Variants in PDIA6 observed in about 807,000 individuals in gnomAD.
PDIA6 encodes the protein protein disulfide isomerase family A member 6.
In PDIA6, 29 loss-of-function variants were observed where a neutral mutation model predicts 58.4. That is an observed-to-expected ratio of 0.50 (90% confidence interval 0.37 to 0.68). The LOEUF is 0.68. Among genes scored for constraint, PDIA6 ranks in the 30% least tolerant of loss-of-function variants. PDIA6 has a pLI of 0.00. For synonymous variants in PDIA6, 192 were observed against 202.6 expected (o/e 0.95, Z 0.44); for missense variants, 480 against 551.0 (o/e 0.87, Z 1.29).
chr2:10,795,226 T>C (rs941516488), intron 4 of PDIA6, among the ~76,000 whole-genome samples: 4 of 152,212 alleles, frequency 2.6e-5, no homozygotes, highest in African/African-American at 9.7e-5. Context: ...CTCAATTCTG[T>C]TGTTCCAGTG....
At chr2:10,809,070 A>T (rs1666886598) in intron 1 of PDIA6, among the ~76,000 whole-genome samples, 1 of 152,132 alleles carries the variant, frequency 6.6e-6, no homozygotes, top group Non-Finnish European at 1.5e-5. Flanking sequence ...TGGCCTCCCA[A>T]AGTGCGAGGA....
chr2:10,832,657 G>T (rs993486248), upstream of PDIA6, among the ~76,000 whole-genome samples: 1 of 152,244 alleles, frequency 6.6e-6, no homozygotes, highest in South Asian at 2.1e-4. Context: ...GTGGTGGACC[G>T]AAGGGCCCAG....
intron 1 of PDIA6, among the ~76,000 whole-genome samples, chr2:10,820,004 G>A (rs968223407): frequency 4.6e-5 from 7 of 152,216 alleles, no homozygotes; most frequent in African/African-American, 1.4e-4. Flanking sequence ...CAGCCCTGCA[G>A]TTAGATATGA....
chr2:10,816,164 C>A (rs1667187353), upstream of PDIA6, among the ~76,000 whole-genome samples: 1 of 138,868 alleles, frequency 7.2e-6, no homozygotes, highest in Non-Finnish European at 1.5e-5. Context: ...CTCACTGCAA[C>A]CTTTGCCTCC....
At position 10,794,464 on chromosome 2, in the gene PDIA6, CTTTCTTTTTT is replaced by C. The variant is rs1558443375; in HGVS notation, c.347-1272_347-1263del. On this transcript the variant is annotated intron_variant, in intron 4 of 12. Coordinates refer to ENST00000272227, the MANE Select transcript of PDIA6 (RefSeq NM_005742.4). ...CTGTGTCAAGAAAAAAAAAAAAAATCTTTCTTTTTTTTTTTTTTTTTTTTTAGAGTTTTCT... is the reference window on the plus strand; with the variant it reads ...CTGTGTCAAGAAAAAAAAAAAAAATCTTTTTTTTTTTTTTTAGAGTTTTCT... 1.7e-3 allele frequency among the ~76,000 whole-genome samples: 58 copies of C among 33,524 alleles called. 1 individual carries two copies. Among genetic ancestry groups the C allele is most frequent in the Admixed American group, 0.012 (35 of 2,838 alleles). 22.0% of individuals were successfully genotyped at this position (33,524 alleles called of 152,430 possible).
At chr2:10,828,717 G>A (rs542497105) in intron 1 of PDIA6, among the ~76,000 whole-genome samples, 35 of 152,354 alleles carry the variant, frequency 2.3e-4, no homozygotes, top group South Asian at 8.3e-4. Flanking sequence ...CAGGCGCTGC[G>A]AATAAAACAC....
At chr2:10,784,882 AAG>A in intron 12 of PDIA6, 50 bp downstream of exon 12, 1 of 1,310,878 alleles carries the variant, frequency 7.6e-7, no homozygotes, top group South Asian at 1.3e-5. Context: ...GCACAGGCTC[AAG>A]AGAGTAAACC....
exon 1 of PDIA6, chr2:10,837,651 G>C (rs1436516301): frequency 1.4e-6 from 2 of 1,419,406 alleles, no homozygotes; most frequent in Non-Finnish European, 1.9e-6. Context: ...CTTGTTCAGG[G>C]GCTCCAAGCT....
At chr2:10,798,893 T>A (rs1048757874) in intron 2 of PDIA6, among the ~76,000 whole-genome samples, 2 of 152,218 alleles carry the variant, frequency 1.3e-5, no homozygotes, top group African/African-American at 4.8e-5. Flanking sequence ...CAATACTTTC[T>A]GGGTCCCGCA....
At chr2:10,784,787 T>C (rs1247120371) in intron 12 of PDIA6, 147 bp downstream of exon 12, 3 of 605,554 alleles carry the variant, frequency 5.0e-6, no homozygotes, top group Non-Finnish European at 8.8e-6. Context: ...AGATGAAGGG[T>C]CTTCAGAGAA....
chr2:10,810,285 G>A, intron 1 of PDIA6: 1 of 1,534,632 alleles, frequency 6.5e-7, no homozygotes, highest in Non-Finnish European at 8.7e-7. Flanking sequence ...CTAACCGAAG[G>A]GCTGGAGAAT....
chr2:10,821,011 G>A (rs568533637), intron 1 of PDIA6: 1 of 577,806 alleles, frequency 1.7e-6, no homozygotes, highest in Middle Eastern at 3.1e-4. Flanking sequence ...ACGAAGGGGA[G>A]GGGGGTGGAT....
At position 10,788,781 on chromosome 2, in the gene PDIA6, A is replaced by C; in HGVS notation, c.926-12T>G. 6.2e-7 allele frequency: 1 copy of C among 1,604,196 alleles called. No individual in the cohort carries two copies. ...TCTGCCTGCAGCTCCTGATTTAAATAGACAAAGTTTTTTAAAGGTAAAGAT... is the reference window on the plus strand; with the variant it reads ...TCTGCCTGCAGCTCCTGATTTAAATCGACAAAGTTTTTTAAAGGTAAAGAT... On this transcript the variant is annotated splice_polypyrimidine_tract_variant and intron_variant, in intron 9 of 12. Coordinates refer to ENST00000272227, the MANE Select transcript of PDIA6 (RefSeq NM_005742.4).
In PDIA6 at chr2:10,787,453, C is replaced by G; in HGVS notation, c.999-14G>C. 1 of 1,603,920 alleles carries G rather than the reference C, an allele frequency of 6.2e-7. No individual in the cohort carries two copies. Among genetic ancestry groups the G allele is most frequent in the Non-Finnish European group, 8.5e-7 (1 of 1,174,910 alleles). On this transcript the variant is annotated splice_polypyrimidine_tract_variant and intron_variant, in intron 10 of 12. Coordinates refer to ENST00000272227, the MANE Select transcript of PDIA6 (RefSeq NM_005742.4). ...GTCCACAGCCACCTAGAAAACCAGA[C>G]TGGTTTTTAGGGCAAATATGTCTTT...
In PDIA6 at chr2:10,784,264, C is replaced by T. The variant is rs767166139; in HGVS notation, c.1317G>A (p.Glu439=). Residue 439 remains glutamate (E), a synonymous_variant, in exon 13 of 13, where the codon GAG becomes GAA. Transcript: ENST00000272227. ...GAAGCCTCTGTTGTGGCTCTCACAA[C>T]TCATCTTTCCCTAAGTCATCAAGCT... ...DVELDDLGKD[E]L is the part of the protein sequence containing the mutation. 1.9e-6 allele frequency: 3 copies of T among 1,612,486 alleles called. No individual in the cohort carries two copies. The highest frequency in any genetic ancestry group is 4.5e-5 in the East Asian group (2 of 44,814).
rs1186766725 is a variant in PDIA6 at position 10,791,860 on chromosome 2, A to C, written c.519T>G (p.Asn173Lys). 1 of 1,614,142 alleles carries C rather than the reference A, an allele frequency of 6.2e-7. No individual in the cohort carries two copies. Among genetic ancestry groups the C allele is most frequent in the Admixed American group, 1.7e-5 (1 of 60,032 alleles). ...TCCAAACATCTTCACTGTCCAGAAC[A>C]TTCTTATCAAAGCTGTCGTCTGTCA... ...IELTDDSFDK[N>K]VLDSEDVWMV... The change falls in exon 6 of 13, where the codon AAT becomes AAG. Residue 173 changes from asparagine to lysine, a missense_variant. By Grantham distance (94) the Asn-to-Lys change is moderately conservative (BLOSUM62 0). Transcript: ENST00000272227.
chr2:10,831,808 G>A (rs1667717521), intron 1 of PDIA6, among the ~76,000 whole-genome samples: 1 of 151,944 alleles, frequency 6.6e-6, no homozygotes, highest in South Asian at 2.1e-4. Flanking sequence ...CCTCCTCCCA[G>A]CCACCTTCCT....
chr2:10,815,317 A>G (rs537392115), upstream of PDIA6, among the ~76,000 whole-genome samples: 9 of 152,310 alleles, frequency 5.9e-5, no homozygotes, highest in African/African-American at 2.2e-4. Context: ...CACTGGCCCC[A>G]GGGAGCACAC....
At chr2:10,832,542 G>C, upstream of PDIA6, 1 of 532,560 alleles carries the variant, frequency 1.9e-6, no homozygotes, top group Non-Finnish European at 2.4e-6. Flanking sequence ...TGCGCAGGCT[G>C]CTGCGGGGAT....
Sources: allele counts gnomAD v4.1 joint callset (sites outside exome capture counted in the v4.1 genomes callset), GRCh38; gene constraint gnomAD v4.1.1; transcripts MANE v1.5; gene names NCBI Gene and HGNC (gene_info 2026-07-23, HGNC 2026-07-21).